CSMD2: variants seen among roughly 807,000 people sequenced by gnomAD.
The protein encoded by CSMD2 is CUB and sushi domain-containing protein 2.
In CSMD2, 130 loss-of-function variants were observed where a neutral mutation model predicts 398.5. That is an observed-to-expected ratio of 0.33 (90% CI 0.28 to 0.38). The LOEUF is 0.38. Among genes scored for constraint, CSMD2 ranks in the 10% least tolerant of loss-of-function variants. CSMD2 has a pLI of 1.00. For missense variants in CSMD2, 3,829 were observed against 4,764.9 expected (o/e 0.80, Z 5.78); for synonymous variants, 1,828 against 1,908.5 (o/e 0.96, Z 1.10).
intron 46 of CSMD2, 91 bp from the exon 47 acceptor site, chr1:33,583,921 C>T: frequency 1.9e-6 from 2 of 1,062,954 alleles, no homozygotes; most frequent in East Asian, 2.4e-5. Context: ...AAAGACAACC[C>T]CTAGAAAATC....
At chr1:33,650,699 T>G (rs1249678886) in intron 28 of CSMD2, among the ~76,000 whole-genome samples, 1 of 152,158 alleles carries the variant, frequency 6.6e-6, no homozygotes, top group Non-Finnish European at 1.5e-5. Flanking sequence ...TGTTTCTTTG[T>G]TTTTGAATTG....
chr1:33,768,570 G>GTA (rs971730217), intron 13 of CSMD2, among the ~76,000 whole-genome samples: 12 of 145,526 alleles, frequency 8.2e-5, no homozygotes, highest in Non-Finnish European at 1.2e-4. Flanking sequence ...GTGTGTGTGT[G>GTA]TGTGTGTGTC....
At chr1:33,942,578 C>A (rs1419940473) in intron 3 of CSMD2, among the ~76,000 whole-genome samples, 1 of 152,228 alleles carries the variant, frequency 6.6e-6, no homozygotes, top group African/African-American at 2.4e-5. Context: ...GTTTGTGATT[C>A]TGCAACCTTC....
chr1:34,084,247 A>C (rs932058483), intron 2 of CSMD2, among the ~76,000 whole-genome samples: 1 of 152,162 alleles, frequency 6.6e-6, no homozygotes, highest in Non-Finnish European at 1.5e-5. Context: ...CAGGTCATGG[A>C]AACTCCCACC....
At chr1:33,724,729 G>C (rs755427373) in intron 17 of CSMD2, 25 bp from the exon 18 acceptor site, 8 of 1,604,700 alleles carry the variant, frequency 5.0e-6, no homozygotes, top group Non-Finnish European at 6.8e-6. Context: ...CCACAGCTGG[G>C]ACAGACAGCT....
chr1:33,840,096 C>T (rs1172165831), intron 6 of CSMD2: 1 of 152,206 alleles, frequency 6.6e-6, no homozygotes, highest in African/African-American at 2.4e-5. Flanking sequence ...AGAGAAGGAT[C>T]TGGCATGGTA....
chr1:33,759,657 GA>G, intron 13 of CSMD2, among the ~76,000 whole-genome samples: 1 of 151,692 alleles, frequency 6.6e-6, no homozygotes, highest in Non-Finnish European at 1.5e-5. Context: ...TGACAAGTAA[GA>G]AAAAAAAGAT....
rs28438078 is a variant in CSMD2, at chr1:33,559,072, G to C, written c.8554+228C>G. Among the ~76,000 whole-genome samples the C allele has an allele frequency of 1.3e-5, 2 of 152,142 alleles. No individual in the cohort carries two copies. The highest frequency in any genetic ancestry group is 4.8e-5 in the African/African-American group (2 of 41,456). ...GAAAGGTAAAAAAGACGACTTGAAA[G>C]ATAAAACTTAAGTTTTGCTTTCCTT... On this transcript the variant is annotated intron_variant, in intron 54 of 70. Coordinates refer to ENST00000373381, the MANE Select transcript of CSMD2 (RefSeq NM_001281956.2). The surrounding 1 kb of genome is among the most constrained non-coding windows in gnomAD (Gnocchi z 4.0).
chr1:33,547,652 G>A (rs1657039201), intron 56 of CSMD2, among the ~76,000 whole-genome samples: 1 of 152,176 alleles, frequency 6.6e-6, no homozygotes, highest in Non-Finnish European at 1.5e-5. Context: ...TGTGGAAGAG[G>A]GATTCATTTT....
At chr1:33,632,612 T>C (rs1433134460) in intron 32 of CSMD2, among the ~76,000 whole-genome samples, 7 of 152,182 alleles carry the variant, frequency 4.6e-5, no homozygotes, top group Non-Finnish European at 8.8e-5. Context: ...ACCTGGTTTT[T>C]GTGAGAATAA....
At chr1:34,141,066 C>T (rs1163963887) in intron 1 of CSMD2, among the ~76,000 whole-genome samples, 1 of 152,014 alleles carries the variant, frequency 6.6e-6, no homozygotes, top group Non-Finnish European at 1.5e-5. Context: ...GGGATACATC[C>T]CACTCCTTTC....
In CSMD2 at chr1:33,546,053, C is replaced by T. The variant is rs546922768; in HGVS notation, c.9084G>A (p.Ser3028=). ...TCQANGSWSG[S]QPECGVISCG... ...ATACATTACCTCCACACTCAGGCTG[C>T]GAGCCGCTCCACGAGCCATTGGCTT... The change falls in exon 57 of 71, where the codon TCG becomes TCA. Residue 3028 remains serine (S), a synonymous_variant. Transcript: ENST00000373381. 2.0e-5 allele frequency: 32 copies of T among 1,612,880 alleles called. No homozygotes were observed. The highest frequency in any genetic ancestry group is 1.1e-4 in the African/African-American group (8 of 75,002).
intron 27 of CSMD2, among the ~76,000 whole-genome samples, chr1:33,654,178 A>C (rs1643883600): frequency 6.6e-6 from 1 of 152,240 alleles, no homozygotes; most frequent in Non-Finnish European, 1.5e-5. Context: ...CCTGAGTATC[A>C]GAAACACTCA....
At chr1:34,057,936 A>G (rs917361307) in intron 2 of CSMD2, among the ~76,000 whole-genome samples, 2 of 152,176 alleles carry the variant, frequency 1.3e-5, no homozygotes, top group East Asian at 3.9e-4. Context: ...GAGGTGAGGC[A>G]CGCTCTGGGC....
chr1:33,848,492 G>C (rs1638449395), intron 5 of CSMD2, among the ~76,000 whole-genome samples: 1 of 152,132 alleles, frequency 6.6e-6, no homozygotes, highest in African/African-American at 2.4e-5. Context: ...CAGCCCCTTA[G>C]GTAAGTATTC....
At chr1:34,004,702 T>C (rs1004078110) in intron 3 of CSMD2, among the ~76,000 whole-genome samples, 10 of 152,104 alleles carry the variant, frequency 6.6e-5, no homozygotes, top group African/African-American at 2.4e-4. Flanking sequence ...CATCTTGCAA[T>C]TGAGAATATA....
At chr1:34,120,615 G>A (rs1252718844) in intron 1 of CSMD2, among the ~76,000 whole-genome samples, 12 of 152,136 alleles carry the variant, frequency 7.9e-5, no homozygotes, top group African/African-American at 2.9e-4. Flanking sequence ...CGCAATCTCG[G>A]CTCACTGCAC....
At chr1:33,656,151 AGAAG>A (rs1461064832) in intron 27 of CSMD2, among the ~76,000 whole-genome samples, 1 of 152,104 alleles carries the variant, frequency 6.6e-6, no homozygotes, top group African/African-American at 2.4e-5. Context: ...AAGGATGAAA[AGAAG>A]GAAGGAAGGA....
At chr1:34,095,633 T>C (rs1659198891) in intron 1 of CSMD2, among the ~76,000 whole-genome samples, 1 of 151,776 alleles carries the variant, frequency 6.6e-6, no homozygotes, top group Non-Finnish European at 1.5e-5. Context: ...TACAAACACC[T>C]CTACGCAAAT....
Sources: gnomAD v4.1 joint callset for allele counts (sites outside exome capture counted in the v4.1 genomes callset) on GRCh38, gnomAD v4.1.1 for gene constraint, Gnocchi (gnomAD v3.1) non-coding constraint, MANE v1.5 for transcripts, NCBI Gene and HGNC (gene_info 2026-07-23, HGNC 2026-07-21) for gene names.